The following ASB18 variants were observed in gnomAD, a reference collection of about 807,000 sequenced individuals.
ASB18 encodes ankyrin repeat and SOCS box containing 18.
In ASB18, 33 loss-of-function variants were observed where a neutral mutation model predicts 33.4. The observed-to-expected ratio is 0.99, with a 90% CI of 0.75 to 1.32. ASB18 has a LOEUF of 1.32. Among genes scored for constraint, ASB18 ranks in the 40% most tolerant of loss-of-function variants. The probability of loss-of-function intolerance (pLI) is 0.00; values close to 1 mark genes in which losing one functional copy is unlikely to be tolerated. For synonymous variants in ASB18, 295 were observed against 307.6 expected, an observed-to-expected ratio of 0.96 and a Z score of 0.43; for missense variants, 694 against 655.5, an observed-to-expected ratio of 1.06 and a Z score of -0.64.
In ASB18 at chr2:236,195,958, G is replaced by C. The variant is rs184219654; in HGVS notation, c.1215+314C>G. ...CCGGATTAGTATGTCCTGACGTGGA[G>C]CTAGGCCCGTGGATTCAGGCGGCTC... On this transcript the variant is annotated intron_variant, in intron 5 of 5. Transcript: ENST00000409749. This position sits in a 1 kb window ranked among gnomAD's most constrained non-coding sequence, Gnocchi z 5.5. 1.8e-3 allele frequency: 717 copies of C among 397,682 alleles called. 4 individuals are homozygous for C. The highest frequency in any genetic ancestry group is 2.7e-3 in the Non-Finnish European group (571 of 209,306). 24.6% of individuals were successfully genotyped at this position (397,682 alleles called of 1,614,324 possible). A position where few individuals can be genotyped will look rare whatever the true frequency, so the allele number is the denominator to read the frequency against.
rs2060622037 is a variant in ASB18 at position 236,241,720 on chromosome 2, C to G, written c.206-318G>C. On this transcript the variant is annotated intron_variant, in intron 1 of 5. Coordinates refer to ENST00000409749, the MANE Select transcript of ASB18 (RefSeq NM_212556.4). This position sits in a 1 kb window ranked among gnomAD's most constrained non-coding sequence, Gnocchi z 4.2. ...ATGTGAGCACTGGGATGCCGCAGTA[C>G]TCAGCCACCCTCTTTGTGATGATAC... Among the ~76,000 whole-genome samples, 2 of 152,150 alleles carry G rather than the reference C, an allele frequency of 1.3e-5. No homozygotes were observed. The highest frequency in any genetic ancestry group is 4.8e-5 in the African/African-American group (2 of 41,430).
chr2:236,218,288 T>A (rs2060496843), intron 3 of ASB18, among the ~76,000 whole-genome samples: 1 of 152,062 alleles, frequency 6.6e-6, no homozygotes, highest in Non-Finnish European at 1.5e-5. Flanking sequence ...GGGCAATGAT[T>A]TAAGTAGCAG....
chr2:236,198,046 C>G lies in ASB18; in HGVS notation c.1102-1661G>C, dbSNP rs961054634. Among the ~76,000 whole-genome samples the G allele has an allele frequency of 1.1e-4, 16 of 152,280 alleles. No individual in the cohort carries two copies. In the South Asian group the frequency reaches 3.1e-3, roughly 30 times the overall value. On this transcript the variant is annotated intron_variant, in intron 4 of 5. Coordinates refer to ENST00000409749, the MANE Select transcript of ASB18 (RefSeq NM_212556.4). ...TACCGGGGCCTGCCCTGCGTCATGT[C>G]TACTGGGGCTCTATGGACACAGAGT...
At chr2:236,230,575 C>G (rs1397428476) in intron 3 of ASB18, among the ~76,000 whole-genome samples, 1 of 151,612 alleles carries the variant, frequency 6.6e-6, no homozygotes, top group East Asian at 1.9e-4. Flanking sequence ...CCAATAATAG[C>G]ACAAAGGCCA....
Position 236,256,184 on chromosome 2 carries a change from C to T in ASB18, c.205+7957G>A, listed in dbSNP as rs1348645842. 6.6e-6 allele frequency among the ~76,000 whole-genome samples: 1 copy of T among 152,050 alleles called. No individual in the cohort carries two copies. The highest frequency in any genetic ancestry group is 1.5e-5 in the Non-Finnish European group (1 of 68,024). The stretch of plus-strand genomic sequence containing the variant: ...GGGACTATAGGTGTGTGCCATCATG[C>T]CCAGGCTAATTGGTGTATTTTTTGT... On this transcript the variant is annotated intron_variant, in intron 1 of 5. Coordinates refer to ENST00000409749, the MANE Select transcript of ASB18 (RefSeq NM_212556.4). The surrounding 1 kb of genome is among the most constrained non-coding windows in gnomAD (Gnocchi z 4.7).
rs2060676032 is a variant in ASB18, at chr2:236,253,301, G to GTTC, written c.205+10839_205+10840insGAA. ...GACCAGAGTTTCTCAAGCACCCGAG[G>GTTC]TGAGGGACCAGGGATTTTCTTTTCT... On this transcript the variant is annotated intron_variant, in intron 1 of 5. Transcript: ENST00000409749. This position sits in a 1 kb window ranked among gnomAD's most constrained non-coding sequence, Gnocchi z 5.4. Among the ~76,000 whole-genome samples the GTTC allele has an allele frequency of 1.3e-5, 2 of 152,196 alleles. No homozygotes were observed. Among genetic ancestry groups the GTTC allele is most frequent in the East Asian group, 1.9e-4 (1 of 5,202 alleles).
At position 236,208,389 on chromosome 2, in the gene ASB18, A is replaced by G. The variant is rs1221035665; in HGVS notation, c.1101+5973T>C. Among the ~76,000 whole-genome samples, 1 of 152,188 alleles carries G rather than the reference A, an allele frequency of 6.6e-6. No homozygotes were observed. The highest frequency in any genetic ancestry group is 2.4e-5 in the African/African-American group (1 of 41,440). On this transcript the variant is annotated intron_variant, in intron 4 of 5. Coordinates refer to ENST00000409749, the MANE Select transcript of ASB18 (RefSeq NM_212556.4). This position sits in a 1 kb window ranked among gnomAD's most constrained non-coding sequence, Gnocchi z 7.7. ...TCTGTGTTGGGAAAAAAATCACGCC[A>G]TTAAGAAGGACTCACGCTGGACCCC...
rs540154684 is a variant in ASB18 at position 236,214,169 on chromosome 2, C to T, written c.1101+193G>A. 116 of 614,048 alleles carry T rather than the reference C, an allele frequency of 1.9e-4. No individual in the cohort carries two copies. Among genetic ancestry groups the T allele is most frequent in the African/African-American group, 1.4e-3 (69 of 50,918 alleles). 38.0% of individuals were successfully genotyped at this position (614,048 alleles called of 1,614,324 possible). On this transcript the variant is annotated intron_variant, in intron 4 of 5. Coordinates refer to ENST00000409749, the MANE Select transcript of ASB18 (RefSeq NM_212556.4). This position sits in a 1 kb window ranked among gnomAD's most constrained non-coding sequence, Gnocchi z 6.5. ...GGGTCCCAGGAACAGCAGTCTAGGC[C>T]ACACCCGGGAGCTTGTTGGCAATGC...
chr2:236,254,413 A>G (rs2060682738), intron 1 of ASB18, among the ~76,000 whole-genome samples: 1 of 151,772 alleles, frequency 6.6e-6, no homozygotes. Context: ...GCGAGCCCAC[A>G]CAGCTGACTC....
chr2:236,197,038 G>A (rs926841620), intron 4 of ASB18, among the ~76,000 whole-genome samples: 12 of 144,592 alleles, frequency 8.3e-5, no homozygotes, highest in African/African-American at 3.1e-4. Context: ...CAAAAAAGTA[G>A]TGCCAATAGT....
intron 1 of ASB18, among the ~76,000 whole-genome samples, chr2:236,261,838 C>A (rs1303665281): frequency 6.6e-6 from 1 of 152,176 alleles, no homozygotes; most frequent in Non-Finnish European, 1.5e-5. Flanking sequence ...TGGTGGCAGG[C>A]AAGAGATAAG....
chr2:236,217,760 GGTCT>G lies in ASB18; in HGVS notation c.597-2898_597-2895del, dbSNP rs2060494439. Among the ~76,000 whole-genome samples, 1 of 152,122 alleles carries G rather than the reference GGTCT, an allele frequency of 6.6e-6. No individual in the cohort carries two copies. Among genetic ancestry groups the G allele is most frequent in the Admixed American group, 6.6e-5 (1 of 15,262 alleles). On this transcript the variant is annotated intron_variant, in intron 3 of 5. Coordinates refer to ENST00000409749, the MANE Select transcript of ASB18 (RefSeq NM_212556.4). The surrounding 1 kb of genome is among the most constrained non-coding windows in gnomAD (Gnocchi z 5.2). Reference sequence around the variant, plus strand: ...CTACATCAGCAGTGTCTTGAGAAGTGGTCTGTCTTGAGTGAAAGATCTTTACAAA... The same window carrying G: ...CTACATCAGCAGTGTCTTGAGAAGTGGTCTTGAGTGAAAGATCTTTACAAA...
chr2:236,197,597 G>T (rs765189356), intron 4 of ASB18, among the ~76,000 whole-genome samples: 1 of 152,044 alleles, frequency 6.6e-6, no homozygotes, highest in Admixed American at 6.6e-5. Flanking sequence ...TGAGGCAGGC[G>T]GATCACCTGA....
chr2:236,250,776 G>A lies in ASB18; in HGVS notation c.206-9374C>T, dbSNP rs2060665223. 1 of 152,102 alleles carries A rather than the reference G, an allele frequency of 6.6e-6. No homozygotes were observed. The highest frequency in any genetic ancestry group is 1.5e-5 in the Non-Finnish European group (1 of 68,020). The allele number at this position is 152,102 out of a possible 1,614,324, so 9.4% of individuals were successfully genotyped here. A position where few individuals can be genotyped will look rare whatever the true frequency, so the allele number is the denominator to read the frequency against. Reference sequence around the variant, plus strand: ...AATATATTTTAAAAGTAAGAAGCTGGGCAGGTATATAAAGTTCTGCTTTTA... The same window carrying A: ...AATATATTTTAAAAGTAAGAAGCTGAGCAGGTATATAAAGTTCTGCTTTTA... On this transcript the variant is annotated intron_variant, in intron 1 of 5. Coordinates refer to ENST00000409749, the MANE Select transcript of ASB18 (RefSeq NM_212556.4). The surrounding 1 kb of genome is among the most constrained non-coding windows in gnomAD (Gnocchi z 4.1).
At position 236,260,736 on chromosome 2, in the gene ASB18, G is replaced by C. The variant is rs1366245242; in HGVS notation, c.205+3405C>G. ...CTACGGGTTGTCAGCAGACATGAAA[G>C]TGAGGTTCTGGGTTGAGATGAGAAA... On this transcript the variant is annotated intron_variant, in intron 1 of 5. Transcript: ENST00000409749. The surrounding 1 kb of genome is among the most constrained non-coding windows in gnomAD (Gnocchi z 5.1). Among the ~76,000 whole-genome samples the C allele has an allele frequency of 6.6e-6, 1 of 152,212 alleles. No individual in the cohort carries two copies. The highest frequency in any genetic ancestry group is 1.9e-4 in the East Asian group (1 of 5,196).
In ASB18 at chr2:236,205,288, G is replaced by A. The variant is rs891280782; in HGVS notation, c.1102-8903C>T. ...CATCCCACTAGCTCCTTCCATCTCC[G>A]GCCACACTGGTCCCCTGTGGTTCTG... On this transcript the variant is annotated intron_variant, in intron 4 of 5. Coordinates refer to ENST00000409749, the MANE Select transcript of ASB18 (RefSeq NM_212556.4). This position sits in a 1 kb window ranked among gnomAD's most constrained non-coding sequence, Gnocchi z 5.4. 3.9e-5 allele frequency among the ~76,000 whole-genome samples: 6 copies of A among 151,974 alleles called. No homozygotes were observed. The highest frequency in any genetic ancestry group is 1.2e-4 in the African/African-American group (5 of 41,376).
At position 236,241,201 on chromosome 2, in the gene ASB18, C is replaced by A; in HGVS notation, c.328+79G>T. ...ACCCAGTGCCACTGTGCCCAGTCTA[C>A]ACACGGGAGCCTTACACTCCCAGAG... is the stretch of plus-strand genomic sequence containing the variant. On this transcript the variant is annotated intron_variant, in intron 2 of 5. Coordinates refer to ENST00000409749, the MANE Select transcript of ASB18 (RefSeq NM_212556.4). The surrounding 1 kb of genome is among the most constrained non-coding windows in gnomAD (Gnocchi z 4.2). 7.0e-7 allele frequency: 1 copy of A among 1,419,740 alleles called. No homozygotes were observed. Among genetic ancestry groups the A allele is most frequent in the South Asian group, 1.2e-5 (1 of 80,860 alleles). The allele number at this position is 1,419,740 out of a possible 1,614,324, so 87.9% of individuals were successfully genotyped here. A position where few individuals can be genotyped will look rare whatever the true frequency, so the allele number is the denominator to read the frequency against.
At position 236,195,814 on chromosome 2, in the gene ASB18, C is replaced by G. The variant is rs2060369065; in HGVS notation, c.1215+458G>C. Among the ~76,000 whole-genome samples, 1 of 152,106 alleles carries G rather than the reference C, an allele frequency of 6.6e-6. No homozygotes were observed. Among genetic ancestry groups the G allele is most frequent in the African/African-American group, 2.4e-5 (1 of 41,438 alleles). On this transcript the variant is annotated intron_variant, in intron 5 of 5. Coordinates refer to ENST00000409749, the MANE Select transcript of ASB18 (RefSeq NM_212556.4). The surrounding 1 kb of genome is among the most constrained non-coding windows in gnomAD (Gnocchi z 5.5). Reference sequence around the variant, plus strand: ...TACAGGCATGAGCCACCGCACCTGGCCTGTTCTCACTCTCTTTTAATGGAC... The same window carrying G: ...TACAGGCATGAGCCACCGCACCTGGGCTGTTCTCACTCTCTTTTAATGGAC...
At position 236,259,202 on chromosome 2, in the gene ASB18, A is replaced by C. The variant is rs533297085; in HGVS notation, c.205+4939T>G. On this transcript the variant is annotated intron_variant, in intron 1 of 5. Coordinates refer to ENST00000409749, the MANE Select transcript of ASB18 (RefSeq NM_212556.4). This position sits in a 1 kb window ranked among gnomAD's most constrained non-coding sequence, Gnocchi z 4.4. ...TGGCTTTAGCAGAAAGTAGAATTAA[A>C]TATTTCTTTGCAGAAACCCAAATCC... 6.6e-6 allele frequency among the ~76,000 whole-genome samples: 1 copy of C among 152,342 alleles called. No homozygotes were observed. Among genetic ancestry groups the C allele is most frequent in the Admixed American group, 6.5e-5 (1 of 15,304 alleles).
Sources: gnomAD v4.1 joint callset for allele counts (sites outside exome capture counted in the v4.1 genomes callset) on GRCh38, gnomAD v4.1.1 for gene constraint, Gnocchi (gnomAD v3.1) non-coding constraint, MANE v1.5 for transcripts, NCBI Gene and HGNC (gene_info 2026-07-23, HGNC 2026-07-21) for gene names.